The following INO80 variants were observed in gnomAD, a reference collection of about 807,000 sequenced individuals.
INO80 encodes the protein chromatin-remodeling ATPase INO80.
INO80 carries 20 observed loss-of-function variants against 203.4 expected under a neutral mutation model. The observed-to-expected ratio is 0.10, with a 90% CI of 0.07 to 0.14. The LOEUF is 0.14. INO80 is among the 10% of genes least tolerant of loss of function. The probability of loss-of-function intolerance (pLI) is 1.00; values close to 1 mark genes in which losing one functional copy is unlikely to be tolerated. For missense variants in INO80, 1,419 were observed against 1,914.4 expected, an observed-to-expected ratio of 0.74 and a Z score of 4.83; for synonymous variants, 726 against 685.2, an observed-to-expected ratio of 1.06 and a Z score of -0.93.
chr15:41,080,892 ACT>A lies in INO80; in HGVS notation c.927+126_927+127del, dbSNP rs957856913. Reference sequence around the variant, plus strand: ...ATAAACAGCTTGAGAACATTCAGAAACTCTCTTACGAACTATTAGATTCATGA... The same window carrying A: ...ATAAACAGCTTGAGAACATTCAGAAACTCTTACGAACTATTAGATTCATGA... On this transcript the variant is annotated intron_variant, in intron 8 of 35. Transcript: ENST00000648947. 1.0e-5 allele frequency: 7 copies of A among 682,314 alleles called. No homozygotes were observed. In the East Asian group the frequency reaches 1.3e-4, roughly 13 times the overall value. The allele number at this position is 682,314 out of a possible 1,614,324, so 42.3% of individuals were successfully genotyped here.
At position 41,054,034 on chromosome 15, in the gene INO80, C is replaced by A; in HGVS notation, c.2189-20G>T. 6.3e-7 allele frequency: 1 copy of A among 1,585,314 alleles called. No individual in the cohort carries two copies. Among genetic ancestry groups the A allele is most frequent in the Non-Finnish European group, 8.7e-7 (1 of 1,154,764 alleles). ...GTTGATCTGAAATGCCGGGAGGCCC[C>A]CAAATAATACATTATAGTGATTTCA... On this transcript the variant is annotated intron_variant, in intron 18 of 35. Transcript: ENST00000648947.
In INO80 at chr15:41,095,581, C is replaced by G. The variant is rs1424303460; in HGVS notation, c.381+20G>C. The G allele has an allele frequency of 1.3e-6, 2 of 1,575,132 alleles. No homozygotes were observed. The highest frequency in any genetic ancestry group is 1.7e-6 in the Non-Finnish European group (2 of 1,146,286). Reference sequence around the variant, plus strand: ...TTTAGTAGACTATCTGCACTGTAAACACCCTGCTTTATCTCTTACCTTTAG... The same window carrying G: ...TTTAGTAGACTATCTGCACTGTAAAGACCCTGCTTTATCTCTTACCTTTAG... On this transcript the variant is annotated intron_variant, in intron 4 of 35. Coordinates refer to ENST00000648947, the MANE Select transcript of INO80 (RefSeq NM_017553.3).
At chr15:41,053,552 C>T (rs2044924013) in intron 19 of INO80, among the ~76,000 whole-genome samples, 1 of 151,922 alleles carries the variant, frequency 6.6e-6, no homozygotes, top group Non-Finnish European at 1.5e-5. Context: ...TTAAAAAAAC[C>T]AAATCTTTTA....
intron 27 of INO80, among the ~76,000 whole-genome samples, chr15:41,008,410 GTGGT>G (rs1295002019): frequency 6.6e-6 from 1 of 152,132 alleles, no homozygotes; most frequent in Non-Finnish European, 1.5e-5. Context: ...GAGTAGAAGG[GTGGT>G]TGCCAGGGGG....
Position 41,040,867 on chromosome 15 carries a change from AAATCATAAGAAAAATAC to A in INO80, c.2907+4020_2907+4036del, listed in dbSNP as rs910586024. ...ATATTTGTAATATACAAAGAACTAC[AAATCATAAGAAAAATAC>A]AGTCAGCCCAATAGAAAAATAAACA... is the stretch of plus-strand genomic sequence containing the variant. On this transcript the variant is annotated intron_variant, in intron 24 of 35. Transcript: ENST00000648947. Among the ~76,000 whole-genome samples the A allele has an allele frequency of 1.4e-4, 22 of 152,358 alleles. 1 individual carries two copies. Among genetic ancestry groups the A allele is most frequent in the African/African-American group, 5.0e-4 (21 of 41,592 alleles).
chr15:41,108,374 G>C (rs1386128929), intron 1 of INO80, among the ~76,000 whole-genome samples: 1 of 151,944 alleles, frequency 6.6e-6, no homozygotes, highest in East Asian at 1.9e-4. Flanking sequence ...CGGATCACAA[G>C]GTCAGGAGAT....
Position 41,027,623 on chromosome 15 carries a change from T to A in INO80, c.3021A>T (p.Pro1007=). 1 of 1,613,534 alleles carries A rather than the reference T, an allele frequency of 6.2e-7. No homozygotes were observed. The highest frequency in any genetic ancestry group is 1.1e-5 in the South Asian group (1 of 90,968). ...SLRRCLLTEL[P]SFLCVASPRV... ...GTGGACTGGCCACACACAAAAAAGA[T>A]GGCAGCTCAGTGAGCAGGCAGCGAC... Residue 1007 remains proline (P), a synonymous_variant, in exon 25 of 36, where the codon CCA becomes CCT. Transcript: ENST00000648947.
At chr15:41,075,811 C>T (rs1023530881) in intron 9 of INO80, among the ~76,000 whole-genome samples, 5 of 151,786 alleles carry the variant, frequency 3.3e-5, no homozygotes, top group South Asian at 2.1e-4. Flanking sequence ...AGGCTGGTCT[C>T]GAACTCCTGA....
chr15:40,982,341 G>A (rs1214742985), intron 35 of INO80, among the ~76,000 whole-genome samples: 1 of 152,126 alleles, frequency 6.6e-6, no homozygotes, highest in Admixed American at 6.6e-5. Flanking sequence ...TAGAGACAGG[G>A]TTTCCTCATG....
intron 19 of INO80, among the ~76,000 whole-genome samples, chr15:41,051,225 TG>T (rs1257542265): frequency 6.6e-6 from 1 of 150,998 alleles, no homozygotes; most frequent in Non-Finnish European, 1.5e-5. Context: ...TTAGCCACAA[TG>T]ATCTGAAAAT....
At chr15:41,004,619 C>T (rs999545341) in intron 28 of INO80, 3 of 152,148 alleles carry the variant, frequency 2.0e-5, no homozygotes, top group Non-Finnish European at 2.9e-5. Context: ...AGTAACCAGA[C>T]TCTACCTATT....
chr15:41,045,563 C>A (rs572262830), intron 23 of INO80, among the ~76,000 whole-genome samples: 225 of 127,214 alleles, frequency 1.8e-3, no homozygotes, highest in African/African-American at 6.7e-3. Flanking sequence ...GCCTGGGCGA[C>A]AGAGCGAGAC....
At chr15:40,997,489 A>G in intron 29 of INO80, 40 bp downstream of exon 29, 1 of 1,327,366 alleles carries the variant, frequency 7.5e-7, no homozygotes, top group East Asian at 2.3e-5. Flanking sequence ...TTCATAGTAG[A>G]AAACCTGCAT....
At chr15:41,109,037 G>C (rs1326512811) in intron 1 of INO80, 1 of 168,950 alleles carries the variant, frequency 5.9e-6, no homozygotes, top group Non-Finnish European at 1.3e-5. Flanking sequence ...AAAAAGCATT[G>C]CCTGGGGAGA....
intron 4 of INO80, among the ~76,000 whole-genome samples, chr15:41,093,306 T>A (rs1211885474): frequency 1.3e-5 from 2 of 152,024 alleles, no homozygotes; most frequent in African/African-American, 4.8e-5. Context: ...GCGCCTGTAG[T>A]TTCAGCTACT....
At chr15:41,001,994 G>A (rs1156521579) in intron 28 of INO80, among the ~76,000 whole-genome samples, 1 of 152,126 alleles carries the variant, frequency 6.6e-6, no homozygotes, top group Non-Finnish European at 1.5e-5. Flanking sequence ...GCCCTTTGGA[G>A]GGGTCAGCAT....
At chr15:41,050,215 G>A in intron 19 of INO80, 113 bp from the exon 20 acceptor site, 1 of 677,144 alleles carries the variant, frequency 1.5e-6, no homozygotes, top group East Asian at 2.7e-5. Flanking sequence ...ATAAACATAT[G>A]TGAACTCAGT....
intron 14 of INO80, among the ~76,000 whole-genome samples, chr15:41,060,853 T>C (rs1177665924): frequency 6.6e-6 from 1 of 152,150 alleles, no homozygotes; most frequent in African/African-American, 2.4e-5. Context: ...AAGAAAACAG[T>C]TGTGAGAGCC....
At chr15:41,083,239 C>T (rs1421774613) in intron 7 of INO80, among the ~76,000 whole-genome samples, 4 of 141,788 alleles carry the variant, frequency 2.8e-5, no homozygotes. Context: ...GAGCCGAGAT[C>T]GCACTCCAGC....
Sources: gnomAD v4.1 joint callset for allele counts (sites outside exome capture counted in the v4.1 genomes callset) on GRCh38, gnomAD v4.1.1 for gene constraint, MANE v1.5 for transcripts, NCBI Gene and HGNC (gene_info 2026-07-23, HGNC 2026-07-21) for gene names.